PRKCE: variants seen among roughly 807,000 people sequenced by gnomAD.
PRKCE encodes protein kinase C epsilon type.
Under a neutral mutation model 85.4 loss-of-function variants are expected in PRKCE, and 16 were observed. The ratio of observed to expected loss-of-function variants is 0.19; its 90% CI spans 0.13 to 0.28. The LOEUF (loss-of-function observed/expected upper bound fraction) is 0.28, where lower values mean the gene tolerates loss of function less well. Ranked by LOEUF, PRKCE falls within the 10% of genes least tolerant of loss-of-function variation. The pLI, the probability that PRKCE is intolerant of heterozygous loss-of-function variation, is 1.00. For synonymous variants in PRKCE, 388 were observed against 371.5 expected, an observed-to-expected ratio of 1.04 and a Z score of -0.51; for missense variants, 573 against 975.2, an observed-to-expected ratio of 0.59 and a Z score of 5.49.
At chr2:46,123,565 T>C (rs1673551208) in intron 11 of PRKCE, among the ~76,000 whole-genome samples, 1 of 152,194 alleles carries the variant, frequency 6.6e-6, no homozygotes, top group Non-Finnish European at 1.5e-5. Flanking sequence ...CTGAGCTCAC[T>C]GCAATCTCCG....
rs35088567 is a variant in PRKCE at position 46,001,252 on chromosome 2, C to CATATATATAT, written c.824-141_824-132dup. The CATATATATAT allele has an allele frequency of 5.5e-3, 2,004 of 366,556 alleles. 34 individuals carry two copies. The highest frequency in any genetic ancestry group is 0.042 in the African/African-American group (1,806 of 43,300). The allele number at this position is 366,556 out of a possible 1,614,324, so 22.7% of individuals were successfully genotyped here. A position where few individuals can be genotyped will look rare whatever the true frequency, so the allele number is the denominator to read the frequency against. On this transcript the variant is annotated intron_variant, in intron 6 of 14. Transcript: ENST00000306156. The surrounding 1 kb of genome is among the most constrained non-coding windows in gnomAD (Gnocchi z 4.4). ...GATTTTGGTTTTGTATGATGGAAGACATATATATATATATATATATTTCTG... is the reference window on the plus strand; with the variant it reads ...GATTTTGGTTTTGTATGATGGAAGACATATATATATATATATATATATATATATATTTCTG...
intron 2 of PRKCE, among the ~76,000 whole-genome samples, chr2:45,963,117 A>G (rs1198444556): frequency 6.6e-6 from 1 of 152,078 alleles, no homozygotes; most frequent in Non-Finnish European, 1.5e-5. Flanking sequence ...CGTGGGGACT[A>G]GATGGGCCTG....
chr2:45,733,111 C>T (rs1681731869), intron 1 of PRKCE, among the ~76,000 whole-genome samples: 1 of 152,202 alleles, frequency 6.6e-6, no homozygotes. Flanking sequence ...CTGCGGTTTA[C>T]TGGTGATCCC....
At chr2:46,015,691 C>CAAAAA (rs749060776) in intron 10 of PRKCE, among the ~76,000 whole-genome samples, 27 of 80,748 alleles carry the variant, frequency 3.3e-4, no homozygotes, top group East Asian at 7.5e-4. Context: ...AACACTAAAC[C>CAAAAA]AAAAAAAAAA....
intron 1 of PRKCE, among the ~76,000 whole-genome samples, chr2:45,777,842 T>A (rs1685869998): frequency 6.6e-6 from 1 of 152,112 alleles, no homozygotes; most frequent in Non-Finnish European, 1.5e-5. Context: ...CCTGCCCTCA[T>A]GGAGGTATGA....
intron 1 of PRKCE, among the ~76,000 whole-genome samples, chr2:45,653,197 G>A (rs959942922): frequency 2.0e-5 from 3 of 152,116 alleles, no homozygotes; most frequent in South Asian, 2.1e-4. Flanking sequence ...TGCAATAAAA[G>A]ACGATTTCTA....
intron 2 of PRKCE, among the ~76,000 whole-genome samples, chr2:45,962,466 A>G (rs2104430998): frequency 6.6e-6 from 1 of 152,298 alleles, no homozygotes; most frequent in African/African-American, 2.4e-5. Context: ...GGTTCATTAA[A>G]CTGAAAACGC....
At chr2:45,779,127 T>C (rs945825955) in intron 1 of PRKCE, among the ~76,000 whole-genome samples, 20 of 152,238 alleles carry the variant, frequency 1.3e-4, no homozygotes, top group African/African-American at 4.6e-4. Flanking sequence ...CTTGGAACTT[T>C]ACTGAGCACC....
At chr2:45,723,896 A>G (rs941120347) in intron 1 of PRKCE, among the ~76,000 whole-genome samples, 1 of 152,170 alleles carries the variant, frequency 6.6e-6, no homozygotes, top group Admixed American at 6.5e-5. Flanking sequence ...AGCCACTGCA[A>G]CCAGCCCAAT....
At chr2:46,125,994 C>T (rs569793888) in intron 11 of PRKCE, among the ~76,000 whole-genome samples, 6 of 152,300 alleles carry the variant, frequency 3.9e-5, no homozygotes, top group African/African-American at 7.2e-5. Flanking sequence ...AGGCTTGGAC[C>T]GCCAAGCCAG....
chr2:45,710,872 C>G (rs187383344), intron 1 of PRKCE, among the ~76,000 whole-genome samples: 30 of 152,366 alleles, frequency 2.0e-4, no homozygotes, highest in Middle Eastern at 3.4e-3. Context: ...ATGACACAAC[C>G]TGACTTGTCT....
At chr2:46,059,365 C>G (rs957222244) in intron 10 of PRKCE, among the ~76,000 whole-genome samples, 1 of 152,304 alleles carries the variant, frequency 6.6e-6, no homozygotes, top group Admixed American at 6.5e-5. Context: ...TTTCCTTTAG[C>G]CAAACAAATT....
chr2:45,936,319 G>C (rs1276443320), intron 2 of PRKCE, among the ~76,000 whole-genome samples: 1 of 152,166 alleles, frequency 6.6e-6, no homozygotes, highest in South Asian at 2.1e-4. Context: ...CTGAGTAATA[G>C]CTCAGGAACC....
intron 10 of PRKCE, among the ~76,000 whole-genome samples, chr2:46,031,937 A>C (rs1707552018): frequency 6.6e-6 from 1 of 152,178 alleles, no homozygotes; most frequent in African/African-American, 2.4e-5. Context: ...CTCATCTCAC[A>C]GCCTCTTAGC....
chr2:46,058,538 G>A (rs75883558), intron 10 of PRKCE, among the ~76,000 whole-genome samples: 15,514 of 152,216 alleles, frequency 0.1, 891 homozygotes, highest in African/African-American at 0.14. Context: ...GATGAGAGTC[G>A]TTTCAAATCA....
At chr2:46,057,095 C>T (rs1276993877) in intron 10 of PRKCE, among the ~76,000 whole-genome samples, 1 of 152,106 alleles carries the variant, frequency 6.6e-6, no homozygotes, top group African/African-American at 2.4e-5. Context: ...CTGTGTATGG[C>T]CTGACTCGGG....
At chr2:45,808,161 C>T (rs1037970393) in intron 1 of PRKCE, among the ~76,000 whole-genome samples, 3 of 152,162 alleles carry the variant, frequency 2.0e-5, no homozygotes, top group African/African-American at 7.2e-5. Context: ...CTGGTCTTTT[C>T]CCCCAAGCCA....
intron 1 of PRKCE, among the ~76,000 whole-genome samples, chr2:45,795,565 C>G (rs1015885270): frequency 6.6e-6 from 1 of 152,202 alleles, no homozygotes; most frequent in African/African-American, 2.4e-5. Flanking sequence ...CCTCCTCAGC[C>G]TTCCAAAATG....
intron 10 of PRKCE, among the ~76,000 whole-genome samples, chr2:46,025,864 C>A (rs1382765868): frequency 6.6e-6 from 1 of 151,116 alleles, no homozygotes; most frequent in East Asian, 2.0e-4. Context: ...ATCTCTGCTG[C>A]TTTAAACCAC....
Sources: gnomAD v4.1 joint callset for allele counts (sites outside exome capture counted in the v4.1 genomes callset) on GRCh38, gnomAD v4.1.1 for gene constraint, Gnocchi (gnomAD v3.1) non-coding constraint, MANE v1.5 for transcripts, NCBI Gene and HGNC (gene_info 2026-07-23, HGNC 2026-07-21) for gene names.